Variants in ITPRID1 observed in about 807,000 individuals in gnomAD.
ITPRID1 encodes ITPR interacting domain containing 1, also known as protein ITPRID1.
A neutral mutation model predicts 95.4 loss-of-function variants in ITPRID1; 96 were observed. The observed-to-expected ratio is 1.01, with a 90% CI of 0.85 to 1.19. The LOEUF (loss-of-function observed/expected upper bound fraction) is 1.19, where lower values mean the gene tolerates loss of function less well. ITPRID1 is among the 50% of genes most tolerant of loss of function. The pLI is 0.00. For missense variants in ITPRID1, 1,339 were observed against 1,252.9 expected, an observed-to-expected ratio of 1.07 and a Z score of -1.04; for synonymous variants, 510 against 453.6, an observed-to-expected ratio of 1.12 and a Z score of -1.58.
intron 3 of ITPRID1, chr7:31,554,254 A>T (rs1252612772): frequency 1.7e-6 from 1 of 601,930 alleles, no homozygotes; most frequent in Non-Finnish European, 2.4e-6. Context: ...CTTTTTTTTT[A>T]AGTTACAGTC....
intron 10 of ITPRID1, among the ~76,000 whole-genome samples, chr7:31,635,047 G>GTATTACATATTAGGTGTGATATGTTA (rs1789353513): frequency 6.6e-6 from 1 of 152,202 alleles, no homozygotes; most frequent in South Asian, 2.1e-4. Flanking sequence ...TAAAGGCAAT[G>GTATTACATATTAGGTGTGATATGTTA]TATTACATAT....
intron 1 of ITPRID1, among the ~76,000 whole-genome samples, chr7:31,525,445 G>A (rs1051820630): frequency 6.6e-6 from 1 of 152,150 alleles, no homozygotes; most frequent in Non-Finnish European, 1.5e-5. Context: ...CATTGCCAAA[G>A]GTCCCCTTGG....
chr7:31,617,271 G>A (rs547275535), intron 10 of ITPRID1, among the ~76,000 whole-genome samples: 1 of 152,230 alleles, frequency 6.6e-6, no homozygotes, highest in South Asian at 2.1e-4. Flanking sequence ...ATTTAACTTT[G>A]CAAAGGGGAT....
At chr7:31,651,895 G>T (rs895914754) in intron 13 of ITPRID1, 44 bp from the exon 14 acceptor site, 2 of 1,389,074 alleles carry the variant, frequency 1.4e-6, no homozygotes, top group Non-Finnish European at 1.0e-6. Flanking sequence ...ATTGCACCTG[G>T]GAAGGATTGT....
At chr7:31,632,157 C>T (rs1789062693) in intron 10 of ITPRID1, among the ~76,000 whole-genome samples, 1 of 152,148 alleles carries the variant, frequency 6.6e-6, no homozygotes, top group African/African-American at 2.4e-5. Flanking sequence ...TTAAAATTAT[C>T]CTTGACAGAG....
intron 5 of ITPRID1, among the ~76,000 whole-genome samples, chr7:31,568,122 G>GGA (rs1554285842): frequency 6.9e-6 from 1 of 144,086 alleles, no homozygotes; most frequent in Non-Finnish European, 1.5e-5. Flanking sequence ...CGAACTGTCT[G>GGA]AAAAAAAAAA....
intron 1 of ITPRID1, among the ~76,000 whole-genome samples, chr7:31,543,500 T>C (rs1783996903): frequency 1.0e-5 from 1 of 95,492 alleles, no homozygotes; most frequent in Non-Finnish European, 2.6e-5. Flanking sequence ...TAGTGTCTCA[T>C]TGTTGTTTAA....
intron 1 of ITPRID1, among the ~76,000 whole-genome samples, chr7:31,520,278 C>T (rs1308486725): frequency 6.6e-6 from 1 of 152,094 alleles, no homozygotes; most frequent in Non-Finnish European, 1.5e-5. Context: ...ACCTGAACAC[C>T]TGCCTGAGAT....
intron 1 of ITPRID1, among the ~76,000 whole-genome samples, chr7:31,538,949 A>G (rs766058680): frequency 2.6e-5 from 4 of 152,136 alleles, no homozygotes; most frequent in Admixed American, 6.5e-5. Flanking sequence ...ATTTACTACT[A>G]TGATGCAGTT....
chr7:31,632,127 G>A (rs112092656), intron 10 of ITPRID1, among the ~76,000 whole-genome samples: 2,068 of 152,260 alleles, frequency 0.014, 55 homozygotes, highest in African/African-American at 0.047. Context: ...AGACAACACA[G>A]ATCAATTTCA....
At position 31,599,625 on chromosome 7, in the gene ITPRID1, CTTT is replaced by C. The variant is rs1562598641; in HGVS notation, c.1228+16435_1228+16437del. ...TCTTTCTTTCTTTCTTTCTTTCTTT[CTTT>C]CTTTCTTTCTTTCTTTCTTTTTCTT... On this transcript the variant is annotated intron_variant, in intron 10 of 14. Transcript: ENST00000615280. Among the ~76,000 whole-genome samples, 150 of 52,626 alleles carry C rather than the reference CTTT, an allele frequency of 2.9e-3. 5 individuals are homozygous for C. The highest frequency in any genetic ancestry group is 8.9e-3 in the East Asian group (12 of 1,342). The allele number at this position is 52,626 out of a possible 152,430, so 34.5% of individuals were successfully genotyped here. A position where few individuals can be genotyped will look rare whatever the true frequency, so the allele number is the denominator to read the frequency against.
At chr7:31,604,908 G>A (rs1267804026) in intron 10 of ITPRID1, among the ~76,000 whole-genome samples, 1 of 152,184 alleles carries the variant, frequency 6.6e-6, no homozygotes, top group Admixed American at 6.5e-5. Flanking sequence ...GGTTGAGGCA[G>A]GAGGATCACC....
chr7:31,517,168 T>C (rs1298047970), intron 1 of ITPRID1, among the ~76,000 whole-genome samples: 1 of 152,178 alleles, frequency 6.6e-6, no homozygotes, highest in Non-Finnish European at 1.5e-5. Flanking sequence ...TATTCCCTTA[T>C]GTGGCCCCAC....
chr7:31,573,408 A>G (rs6965478), intron 7 of ITPRID1, among the ~76,000 whole-genome samples: 202 of 152,266 alleles, frequency 1.3e-3, no homozygotes, highest in African/African-American at 4.5e-3. Flanking sequence ...AATTAAAGAA[A>G]AAAAAGAAAG....
Position 31,654,949 on chromosome 7 carries a change from A to G in ITPRID1, c.*2120A>G, listed in dbSNP as rs1791224431. On this transcript the variant is annotated 3_prime_UTR_variant, in exon 15 of 15. Coordinates refer to ENST00000615280, the MANE Select transcript of ITPRID1 (RefSeq NM_001257967.3). Reference sequence around the variant, plus strand: ...GCCTTCCTACCCTTGGGACCACCACACTATTTTTCCCATGGACTTAACATT... The same window carrying G: ...GCCTTCCTACCCTTGGGACCACCACGCTATTTTTCCCATGGACTTAACATT... Among the ~76,000 whole-genome samples the G allele has an allele frequency of 6.6e-6, 1 of 151,974 alleles. No individual in the cohort carries two copies. The highest frequency in any genetic ancestry group is 2.4e-5 in the African/African-American group (1 of 41,354).
chr7:31,541,695 A>G (rs73085409), intron 1 of ITPRID1, among the ~76,000 whole-genome samples: 31,799 of 152,102 alleles, frequency 0.21, 3,568 homozygotes, highest in East Asian at 0.33. Flanking sequence ...GTATGATTAT[A>G]TAACAAGCCA....
chr7:31,639,531 T>C (rs1789812734), intron 10 of ITPRID1, among the ~76,000 whole-genome samples: 1 of 23,882 alleles, frequency 4.2e-5, no homozygotes, highest in Non-Finnish European at 6.3e-5. Flanking sequence ...TTTGTTTGTT[T>C]GTTTTTGTTT....
At chr7:31,546,232 G>C (rs1376573595) in intron 1 of ITPRID1, among the ~76,000 whole-genome samples, 1 of 151,798 alleles carries the variant, frequency 6.6e-6, no homozygotes, top group African/African-American at 2.4e-5. Flanking sequence ...TTACTTTTTT[G>C]TTTCCTTGGC....
intron 5 of ITPRID1, among the ~76,000 whole-genome samples, chr7:31,564,476 G>A (rs1784728133): frequency 6.6e-6 from 1 of 151,988 alleles, no homozygotes; most frequent in South Asian, 2.1e-4. Flanking sequence ...ACCTAACCAG[G>A]GTATCCTGGA....
Sources: allele counts gnomAD v4.1 joint callset (sites outside exome capture counted in the v4.1 genomes callset), GRCh38; gene constraint gnomAD v4.1.1; transcripts MANE v1.5; gene names NCBI Gene and HGNC (gene_info 2026-07-23, HGNC 2026-07-21).